Variants in CD247 observed in about 807,000 individuals in gnomAD.
CD247 encodes T-cell surface glycoprotein CD3 zeta chain.
In CD247, 13 loss-of-function variants were observed where a neutral mutation model predicts 30.0. That is an observed-to-expected ratio of 0.43 (90% confidence interval 0.28 to 0.69). The LOEUF is 0.69. CD247 is among the 30% of genes least tolerant of loss of function. CD247 has a pLI of 0.16. For synonymous variants in CD247, 72 were observed against 80.0 expected, an observed-to-expected ratio of 0.90 and a Z score of 0.53; for missense variants, 193 against 212.6, an observed-to-expected ratio of 0.91 and a Z score of 0.57.
chr1:167,456,013 C>T (rs925340022), intron 1 of CD247, among the ~76,000 whole-genome samples: 2 of 151,854 alleles, frequency 1.3e-5, no homozygotes, highest in African/African-American at 4.8e-5. Flanking sequence ...CCACCCCCCG[C>T]CCCCTCCCCC....
chr1:167,480,966 A>C (rs1426160340), intron 1 of CD247, among the ~76,000 whole-genome samples: 1 of 152,216 alleles, frequency 6.6e-6, no homozygotes, highest in Admixed American at 6.5e-5. Context: ...TTTCTAGTAC[A>C]TATATTGATT....
chr1:167,501,574 T>G (rs1654910495), intron 1 of CD247, among the ~76,000 whole-genome samples: 1 of 152,252 alleles, frequency 6.6e-6, no homozygotes, highest in African/African-American at 2.4e-5. Flanking sequence ...AAATGCTTAT[T>G]GGCTACAGAA....
chr1:167,449,179 G>A (rs1471288480), intron 1 of CD247, among the ~76,000 whole-genome samples: 1 of 18,454 alleles, frequency 5.4e-5, no homozygotes, highest in African/African-American at 4.9e-4. Context: ...TTGAGACAGA[G>A]TCTCGCTTTG....
At chr1:167,449,424 G>C (rs1299828880) in intron 1 of CD247, among the ~76,000 whole-genome samples, 1 of 151,304 alleles carries the variant, frequency 6.6e-6, no homozygotes, top group Non-Finnish European at 1.5e-5. Flanking sequence ...AAAGTGCTGG[G>C]ATTACAGGTG....
At chr1:167,457,935 A>G (rs994642000) in intron 1 of CD247, among the ~76,000 whole-genome samples, 11 of 152,188 alleles carry the variant, frequency 7.2e-5, no homozygotes, top group African/African-American at 2.7e-4. Flanking sequence ...TGAGAGAATG[A>G]TTGATTGATT....
At chr1:167,449,974 A>G (rs1369374750) in intron 1 of CD247, among the ~76,000 whole-genome samples, 2 of 151,954 alleles carry the variant, frequency 1.3e-5, no homozygotes, top group Non-Finnish European at 2.9e-5. Flanking sequence ...GTATTATGTT[A>G]TAATCTAAGA....
At chr1:167,462,756 G>T (rs2102033413) in intron 1 of CD247, among the ~76,000 whole-genome samples, 1 of 152,230 alleles carries the variant, frequency 6.6e-6, no homozygotes, top group East Asian at 1.9e-4. Flanking sequence ...GGAAAAGTCT[G>T]CCCTCCCTCC....
chr1:167,456,402 A>C (rs374205312), intron 1 of CD247, among the ~76,000 whole-genome samples: 1 of 152,316 alleles, frequency 6.6e-6, no homozygotes, highest in Non-Finnish European at 1.5e-5. Flanking sequence ...GTGGCATGAC[A>C]AAGTACTTAA....
In CD247 at chr1:167,435,379, G is replaced by A. The variant is rs377122263; in HGVS notation, c.336+20C>T. 255 of 1,597,356 alleles carry A rather than the reference G, an allele frequency of 1.6e-4. 2 individuals are homozygous for A. In the Middle Eastern group the frequency reaches 3.2e-3, roughly 20 times the overall value. ...TTCCTCCAACTTTCCAAGGTCAAAT[G>A]TGAGGTCTCCTCTACTCACATTGTA... On this transcript the variant is annotated intron_variant, in intron 5 of 7. Coordinates refer to ENST00000362089, the MANE Select transcript of CD247 (RefSeq NM_198053.3).
chr1:167,446,285 G>A (rs1279589964), intron 1 of CD247, among the ~76,000 whole-genome samples: 2 of 152,132 alleles, frequency 1.3e-5, no homozygotes, highest in African/African-American at 4.8e-5. Flanking sequence ...AGCACAGATG[G>A]TGCCTTATAG....
At chr1:167,456,492 T>C (rs1159602944) in intron 1 of CD247, among the ~76,000 whole-genome samples, 4 of 152,212 alleles carry the variant, frequency 2.6e-5, no homozygotes, top group African/African-American at 9.7e-5. Context: ...AAGGTAGTTC[T>C]AGAGTGAGAG....
At chr1:167,502,648 C>T (rs1038794158) in intron 1 of CD247, among the ~76,000 whole-genome samples, 3 of 152,114 alleles carry the variant, frequency 2.0e-5, no homozygotes, top group African/African-American at 7.2e-5. Flanking sequence ...AAATAGGGTG[C>T]TTTCAGATTA....
At chr1:167,484,241 A>AT (rs1465596950) in intron 1 of CD247, among the ~76,000 whole-genome samples, 1 of 152,174 alleles carries the variant, frequency 6.6e-6, no homozygotes, top group Non-Finnish European at 1.5e-5. Context: ...TTTACCCCCA[A>AT]TCAGCAGACA....
intron 1 of CD247, among the ~76,000 whole-genome samples, chr1:167,450,983 G>T (rs1571528764): frequency 6.6e-6 from 1 of 151,740 alleles, no homozygotes; most frequent in Admixed American, 6.6e-5. Flanking sequence ...AGTATGAAGT[G>T]ACAAAGAGAT....
Position 167,431,249 on chromosome 1 carries a change from A to G in CD247, c.*432T>C, listed in dbSNP as rs566153313. 3 of 513,732 alleles carry G rather than the reference A, an allele frequency of 5.8e-6. No homozygotes were observed. The South Asian group carries it at 1.2e-4, about 20-fold the overall frequency. 31.8% of individuals were successfully genotyped at this position (513,732 alleles called of 1,614,324 possible). A position where few individuals can be genotyped will look rare whatever the true frequency, so the allele number is the denominator to read the frequency against. On this transcript the variant is annotated 3_prime_UTR_variant, in exon 8 of 8. Coordinates refer to ENST00000362089, the MANE Select transcript of CD247 (RefSeq NM_198053.3). ...ACCTTGAAAGGAGGTGAAGGTGACA[A>G]CAGAAGCCAAATTTACAGCAGGAGT...
chr1:167,503,984 T>C (rs1054436758), intron 1 of CD247, among the ~76,000 whole-genome samples: 1 of 152,130 alleles, frequency 6.6e-6, no homozygotes, highest in Admixed American at 6.5e-5. Context: ...AATTCCCTTC[T>C]CCATGTGGCA....
intron 1 of CD247, among the ~76,000 whole-genome samples, chr1:167,455,447 G>A (rs1486192068): frequency 6.6e-6 from 1 of 152,218 alleles, no homozygotes; most frequent in Non-Finnish European, 1.5e-5. Context: ...AGAGGAGGCT[G>A]GGCCTGGGAA....
chr1:167,514,047 A>T (rs1208170820), intron 1 of CD247, among the ~76,000 whole-genome samples: 6 of 152,230 alleles, frequency 3.9e-5, no homozygotes, highest in Non-Finnish European at 8.8e-5. Flanking sequence ...CCACCAAATA[A>T]ACCATTAAAG....
At chr1:167,481,607 A>G (rs1274954286) in intron 1 of CD247, among the ~76,000 whole-genome samples, 1 of 152,138 alleles carries the variant, frequency 6.6e-6, no homozygotes, top group Non-Finnish European at 1.5e-5. Context: ...TCTTTTCTAA[A>G]CCATACATTT....
Sources: gnomAD v4.1 joint callset for allele counts (sites outside exome capture counted in the v4.1 genomes callset) on GRCh38, gnomAD v4.1.1 for gene constraint, MANE v1.5 for transcripts, NCBI Gene and HGNC (gene_info 2026-07-23, HGNC 2026-07-21) for gene names.